Variants in PPM1B observed in about 807,000 individuals in gnomAD.
The protein encoded by PPM1B is protein phosphatase 1B.
In PPM1B, 22 loss-of-function variants were observed where a neutral mutation model predicts 43.0. The observed-to-expected ratio is 0.51, with a 90% CI of 0.37 to 0.73. The LOEUF (loss-of-function observed/expected upper bound fraction) is 0.73. Ranked by LOEUF, PPM1B falls within the 30% of genes least tolerant of loss-of-function variation. The pLI is 0.00. For missense variants in PPM1B, 632 were observed against 584.2 expected, an observed-to-expected ratio of 1.08 and a Z score of -0.84; for synonymous variants, 217 against 197.9, an observed-to-expected ratio of 1.10 and a Z score of -0.81.
At chr2:44,193,223 A>G (rs948802011) in intron 1 of PPM1B, among the ~76,000 whole-genome samples, 2 of 152,288 alleles carry the variant, frequency 1.3e-5, no homozygotes, top group East Asian at 3.9e-4. Context: ...ATCCTTACCA[A>G]TACCTGTTAT....
downstream of PPM1B, chr2:44,232,311 T>C (rs1288549185): frequency 6.2e-7 from 1 of 1,604,886 alleles, no homozygotes; most frequent in Non-Finnish European, 8.5e-7. Flanking sequence ...TTTCTCTTCC[T>C]GTAGGGTGCT....
At chr2:44,184,826 A>G (rs561821344) in intron 1 of PPM1B, among the ~76,000 whole-genome samples, 1 of 151,894 alleles carries the variant, frequency 6.6e-6, no homozygotes, top group East Asian at 1.9e-4. Flanking sequence ...ATTTTCTTCA[A>G]TTATCAATGT....
At position 44,192,479 on chromosome 2, in the gene PPM1B, G is replaced by A. The variant is rs1668454764; in HGVS notation, c.-14-8707G>A. ...GATTTGCCTGCCTCGGCCTCCCAAA[G>A]TACTGGGATTACAGGTGTGAGTCAC... On this transcript the variant is annotated intron_variant, in intron 1 of 5. Coordinates refer to ENST00000282412, the MANE Select transcript of PPM1B (RefSeq NM_002706.6). Among the ~76,000 whole-genome samples, 4 of 152,220 alleles carry A rather than the reference G, an allele frequency of 2.6e-5. No homozygotes were observed. The South Asian group carries it at 8.3e-4, about 32-fold the overall frequency.
At chr2:44,203,481 A>G (rs1000635748) in intron 2 of PPM1B, among the ~76,000 whole-genome samples, 1 of 151,786 alleles carries the variant, frequency 6.6e-6, no homozygotes, top group Non-Finnish European at 1.5e-5. Flanking sequence ...TATAAAAAAA[A>G]GGTATATACT....
chr2:44,228,910 C>T (rs957816224), intron 5 of PPM1B, among the ~76,000 whole-genome samples: 3 of 152,052 alleles, frequency 2.0e-5, no homozygotes, highest in Admixed American at 6.6e-5. Flanking sequence ...CAGCCAGGCA[C>T]GGTAGCTCAC....
intron 3 of PPM1B, among the ~76,000 whole-genome samples, chr2:44,214,467 G>C (rs1007702991): frequency 5.3e-5 from 8 of 151,890 alleles, no homozygotes; most frequent in Non-Finnish European, 1.2e-4. Flanking sequence ...CGGGGGTGGG[G>C]GGGGCATGGC....
intron 1 of PPM1B, among the ~76,000 whole-genome samples, chr2:44,183,778 G>A (rs1572691288): frequency 1.3e-5 from 2 of 151,920 alleles, no homozygotes; most frequent in Admixed American, 1.3e-4. Flanking sequence ...TCGCTCAGTC[G>A]CCCAGGCTGG....
chr2:44,245,305 G>A (rs975733480), downstream of PPM1B, among the ~76,000 whole-genome samples: 4 of 148,282 alleles, frequency 2.7e-5, no homozygotes, highest in Non-Finnish European at 6.1e-5. Context: ...AAATCTCAAA[G>A]CTGAGAAAAC....
Position 44,184,463 on chromosome 2 carries a change from C to T in PPM1B, c.-15+15189C>T, listed in dbSNP as rs557829375. On this transcript the variant is annotated intron_variant, in intron 1 of 5. Coordinates refer to ENST00000282412, the MANE Select transcript of PPM1B (RefSeq NM_002706.6). ...CAAGAACTTAGTTCTTTAGTGTCTT[C>T]TCTTTTTAAATTATATTTACTCTGT... is the stretch of plus-strand genomic sequence containing the variant. Among the ~76,000 whole-genome samples the T allele has an allele frequency of 4.5e-4, 69 of 152,134 alleles. 3 individuals carry two copies. The South Asian group carries it at 0.014, about 30-fold the overall frequency.
intron 1 of PPM1B, among the ~76,000 whole-genome samples, chr2:44,179,310 G>A (rs1035603023): frequency 1.3e-5 from 2 of 152,162 alleles, no homozygotes; most frequent in Non-Finnish European, 2.9e-5. Context: ...TATCTGCAGT[G>A]TGAAAAAGTA....
chr2:44,244,441 GA>G, downstream of PPM1B: 5 of 1,115,762 alleles, frequency 4.5e-6, no homozygotes, highest in Non-Finnish European at 5.8e-6. Context: ...GACAGAGAAG[GA>G]CTGTCACTGT....
At chr2:44,198,651 C>T (rs1408931232) in intron 1 of PPM1B, among the ~76,000 whole-genome samples, 2 of 152,092 alleles carry the variant, frequency 1.3e-5, no homozygotes, top group Non-Finnish European at 1.5e-5. Context: ...ACATAATGTG[C>T]CTCTGTTACA....
At chr2:44,209,177 C>A in intron 2 of PPM1B, 33 bp from the exon 3 acceptor site, 2 of 1,496,160 alleles carry the variant, frequency 1.3e-6, no homozygotes, top group African/African-American at 1.4e-5. Context: ...TGTAGAAATA[C>A]AATTTTTTTT....
chr2:44,225,548 G>A (rs906793890), intron 5 of PPM1B, among the ~76,000 whole-genome samples: 10 of 152,236 alleles, frequency 6.6e-5, no homozygotes, highest in African/African-American at 2.4e-4. Flanking sequence ...TGACTTTTAA[G>A]TGTGGTCATT....
downstream of PPM1B, chr2:44,244,464 T>C (rs1670814724): frequency 1.0e-5 from 10 of 980,054 alleles, no homozygotes; most frequent in Non-Finnish European, 1.2e-5. Context: ...CCCTTCAAAA[T>C]CATATTTTTT....
downstream of PPM1B, among the ~76,000 whole-genome samples, chr2:44,237,571 G>A (rs944207132): frequency 5.9e-5 from 9 of 152,166 alleles, no homozygotes; most frequent in Admixed American, 1.3e-4. Flanking sequence ...CACAACTCCA[G>A]TGGGACACAA....
intron 1 of PPM1B, among the ~76,000 whole-genome samples, chr2:44,184,240 G>C (rs1157742744): frequency 6.6e-6 from 1 of 152,332 alleles, no homozygotes; most frequent in Non-Finnish European, 1.5e-5. Flanking sequence ...TAGGTATCCA[G>C]TGGTTGTTCT....
At chr2:44,181,919 C>G (rs925223035) in intron 1 of PPM1B, among the ~76,000 whole-genome samples, 8 of 152,034 alleles carry the variant, frequency 5.3e-5, no homozygotes, top group African/African-American at 1.9e-4. Context: ...TTCCCTTTTT[C>G]AGAGGGTACA....
chr2:44,220,133 G>T (rs1669906514), intron 5 of PPM1B, among the ~76,000 whole-genome samples: 1 of 151,986 alleles, frequency 6.6e-6, no homozygotes, highest in Non-Finnish European at 1.5e-5. Context: ...ATTCTTCAGG[G>T]CATCCACTAC....
Sources: gnomAD v4.1 joint callset for allele counts (sites outside exome capture counted in the v4.1 genomes callset) on GRCh38, gnomAD v4.1.1 for gene constraint, MANE v1.5 for transcripts, NCBI Gene and HGNC (gene_info 2026-07-23, HGNC 2026-07-21) for gene names.